The following TRABD2B variants were observed in gnomAD, a reference collection of about 807,000 sequenced individuals.
TRABD2B encodes the protein metalloprotease TIKI2.
Under a neutral mutation model 40.1 loss-of-function variants are expected in TRABD2B, and 14 were observed. That is an observed-to-expected ratio of 0.35 (90% confidence interval 0.23 to 0.55). The LOEUF is 0.55. Among genes scored for constraint, TRABD2B ranks in the 20% least tolerant of loss-of-function variants. The pLI is 0.90. For missense variants in TRABD2B, 541 were observed against 648.6 expected, an observed-to-expected ratio of 0.83 and a Z score of 1.80; for synonymous variants, 263 against 277.0, an observed-to-expected ratio of 0.95 and a Z score of 0.50.
intron 2 of TRABD2B, among the ~76,000 whole-genome samples, chr1:47,886,343 G>A (rs985187176): frequency 7.9e-5 from 12 of 152,204 alleles, no homozygotes; most frequent in Non-Finnish European, 1.6e-4. Flanking sequence ...TGAAGTGTTG[G>A]CCGTTCCACT....
intron 2 of TRABD2B, among the ~76,000 whole-genome samples, chr1:47,886,458 T>C (rs1644372636): frequency 6.6e-6 from 1 of 152,170 alleles, no homozygotes; most frequent in Admixed American, 6.5e-5. Context: ...TATCAAATGG[T>C]TGATAGAACT....
intron 2 of TRABD2B, among the ~76,000 whole-genome samples, chr1:47,935,480 C>T (rs567338409): frequency 2.0e-5 from 3 of 152,304 alleles, no homozygotes; most frequent in African/African-American, 7.2e-5. Flanking sequence ...AACACGGGTA[C>T]TCAGGAAATG....
intron 2 of TRABD2B, among the ~76,000 whole-genome samples, chr1:47,922,349 T>C (rs1285897141): frequency 6.6e-6 from 1 of 152,164 alleles, no homozygotes; most frequent in Non-Finnish European, 1.5e-5. Context: ...GGTCAGGGCC[T>C]GGTCAGAGGC....
intron 6 of TRABD2B, among the ~76,000 whole-genome samples, chr1:47,769,746 C>A (rs184646816): frequency 2.6e-5 from 4 of 152,230 alleles, no homozygotes; most frequent in Non-Finnish European, 5.9e-5. Context: ...CAACAGGGAC[C>A]CCAAAGTGGG....
intron 2 of TRABD2B, among the ~76,000 whole-genome samples, chr1:47,880,640 G>A (rs1045401425): frequency 2.6e-5 from 4 of 152,270 alleles, no homozygotes; most frequent in South Asian, 2.1e-4. Flanking sequence ...GAGGCACAGC[G>A]TGTGCACAGG....
chr1:47,963,842 G>A (rs1027429979), intron 2 of TRABD2B, among the ~76,000 whole-genome samples: 43 of 152,268 alleles, frequency 2.8e-4, no homozygotes, highest in Admixed American at 2.0e-4. Flanking sequence ...AGAACACCCC[G>A]GAGTTTACTG....
chr1:47,972,396 T>C (rs1645693673), intron 2 of TRABD2B, among the ~76,000 whole-genome samples: 1 of 152,200 alleles, frequency 6.6e-6, no homozygotes, highest in African/African-American at 2.4e-5. Flanking sequence ...CTCAAATTCA[T>C]GTGCTGAAAT....
chr1:47,930,798 A>G (rs530067582), intron 2 of TRABD2B, among the ~76,000 whole-genome samples: 102 of 152,182 alleles, frequency 6.7e-4, no homozygotes, highest in Middle Eastern at 6.8e-3. Flanking sequence ...CTCCCTTTAC[A>G]GACAGGCAGA....
At chr1:47,846,233 T>C (rs1055050720) in intron 2 of TRABD2B, among the ~76,000 whole-genome samples, 6 of 152,246 alleles carry the variant, frequency 3.9e-5, no homozygotes, top group African/African-American at 1.4e-4. Flanking sequence ...ACAGGAAAGT[T>C]GAAGTGGCTT....
chr1:47,774,545 A>C (rs1171429710), intron 6 of TRABD2B, among the ~76,000 whole-genome samples: 1 of 152,204 alleles, frequency 6.6e-6, no homozygotes, highest in Non-Finnish European at 1.5e-5. Flanking sequence ...AGACAAGCTG[A>C]GGTGGGTGGT....
chr1:47,766,915 G>A (rs896607810), intron 6 of TRABD2B, among the ~76,000 whole-genome samples: 1 of 152,246 alleles, frequency 6.6e-6, no homozygotes, highest in Non-Finnish European at 1.5e-5. Flanking sequence ...GACAGAGAGA[G>A]ATGGAAGGAG....
intron 2 of TRABD2B, among the ~76,000 whole-genome samples, chr1:47,956,155 C>T (rs1249020193): frequency 2.6e-5 from 4 of 152,164 alleles, no homozygotes; most frequent in Non-Finnish European, 5.9e-5. Flanking sequence ...CTATGATCTC[C>T]TGCCTCTACC....
chr1:47,995,056 G>A (rs1333042418), intron 1 of TRABD2B, among the ~76,000 whole-genome samples: 3 of 152,144 alleles, frequency 2.0e-5, no homozygotes, highest in African/African-American at 4.8e-5. Flanking sequence ...TGTTTCATGC[G>A]GAGGGTGGGG....
chr1:47,963,975 G>C (rs145085004), intron 2 of TRABD2B, among the ~76,000 whole-genome samples: 61 of 152,342 alleles, frequency 4.0e-4, no homozygotes, highest in Non-Finnish European at 4.0e-4. Flanking sequence ...GCAAAAGAAA[G>C]ATACAGGCCA....
chr1:47,895,952 C>A (rs771582890), intron 2 of TRABD2B, among the ~76,000 whole-genome samples: 12 of 152,248 alleles, frequency 7.9e-5, no homozygotes, highest in Non-Finnish European at 1.2e-4. Context: ...GGGGAAGGTT[C>A]CTGTGTGCCT....
chr1:47,937,033 TCAC>T (rs1014068008), intron 2 of TRABD2B, among the ~76,000 whole-genome samples: 1 of 145,808 alleles, frequency 6.9e-6, no homozygotes, highest in African/African-American at 2.5e-5. Flanking sequence ...ATGATCATCA[TCAC>T]CATCACCACC....
chr1:47,854,712 A>G (rs1643874080), intron 2 of TRABD2B, among the ~76,000 whole-genome samples: 2 of 152,228 alleles, frequency 1.3e-5, no homozygotes, highest in Non-Finnish European at 2.9e-5. Context: ...AAAGTAGTTC[A>G]CCAAAGGTCA....
intron 2 of TRABD2B, among the ~76,000 whole-genome samples, chr1:47,893,215 T>A (rs573960230): frequency 6.6e-6 from 1 of 152,232 alleles, no homozygotes; most frequent in South Asian, 2.1e-4. Flanking sequence ...ATTCAGTTGA[T>A]TATATATAGT....
In TRABD2B at chr1:47,996,288, G is replaced by C. The variant is rs1169098520; in HGVS notation, c.102+400C>G. Among the ~76,000 whole-genome samples the C allele has an allele frequency of 3.3e-5, 5 of 152,084 alleles. No individual in the cohort carries two copies. The highest frequency in any genetic ancestry group is 1.2e-4 in the African/African-American group (5 of 41,406). On this transcript the variant is annotated intron_variant, in intron 1 of 6. Coordinates refer to ENST00000606738, the MANE Select transcript of TRABD2B (RefSeq NM_001194986.2). This position sits in a 1 kb window ranked among gnomAD's most constrained non-coding sequence, Gnocchi z 4.6. ...GAGTGTGTGAATGGGAGAGCAAAAG[G>C]GTTCGATGGAAGTCAAGAGAAGGGC...
Sources: gnomAD v4.1 joint callset for allele counts (sites outside exome capture counted in the v4.1 genomes callset) on GRCh38, gnomAD v4.1.1 for gene constraint, Gnocchi (gnomAD v3.1) non-coding constraint, MANE v1.5 for transcripts, NCBI Gene and HGNC (gene_info 2026-07-23, HGNC 2026-07-21) for gene names.